The following CLSTN2 variants were observed in gnomAD, a reference collection of about 807,000 sequenced individuals.
CLSTN2 encodes the protein calsyntenin-2.
CLSTN2 carries 48 observed loss-of-function variants against 101.2 expected under a neutral mutation model. The observed-to-expected ratio is 0.47, with a 90% CI of 0.38 to 0.60. The LOEUF is 0.60. Among genes scored for constraint, CLSTN2 ranks in the 20% least tolerant of loss-of-function variants. The pLI is 0.00. For missense variants in CLSTN2, 1,160 were observed against 1,238.2 expected (o/e 0.94, Z 0.95); for synonymous variants, 481 against 463.6 (o/e 1.04, Z -0.48).
At chr3:140,227,258 G>T (rs1242571460) in intron 2 of CLSTN2, among the ~76,000 whole-genome samples, 1 of 152,144 alleles carries the variant, frequency 6.6e-6, no homozygotes, top group African/African-American at 2.4e-5. Flanking sequence ...AATCCAAATG[G>T]GAGAAATTGG....
intron 8 of CLSTN2, among the ~76,000 whole-genome samples, chr3:140,496,126 C>T (rs2107759824): frequency 6.6e-6 from 1 of 152,232 alleles, no homozygotes; most frequent in South Asian, 2.1e-4. Context: ...TGCTTGTGTC[C>T]TCTCTGACTT....
intron 1 of CLSTN2, among the ~76,000 whole-genome samples, chr3:139,966,665 A>T (rs1301565363): frequency 6.6e-6 from 1 of 152,182 alleles, no homozygotes; most frequent in Admixed American, 6.5e-5. Context: ...CTGCATTCTC[A>T]TGACTTATTT....
At position 140,569,370 on chromosome 3, in the gene CLSTN2, G is replaced by GCTTGT. The variant is rs1250540210; in HGVS notation, c.*3122_*3126dup. On this transcript the variant is annotated 3_prime_UTR_variant, in exon 17 of 17. Coordinates refer to ENST00000458420, the MANE Select transcript of CLSTN2 (RefSeq NM_022131.3). ...TGGTTTGGCCACAGCCCAGTTCATTGCTTGTCTTGCCAAGTGGACAACCAG... is the reference window on the plus strand; with the variant it reads ...TGGTTTGGCCACAGCCCAGTTCATTGCTTGTCTTGTCTTGCCAAGTGGACAACCAG... 6 of 152,282 alleles carry GCTTGT rather than the reference G, an allele frequency of 3.9e-5. No individual in the cohort carries two copies. The South Asian group carries it at 6.2e-4, about 16-fold the overall frequency. The allele number at this position is 152,282 out of a possible 1,614,324, so 9.4% of individuals were successfully genotyped here.
At chr3:140,100,739 T>C (rs1214858284) in intron 1 of CLSTN2, among the ~76,000 whole-genome samples, 1 of 152,240 alleles carries the variant, frequency 6.6e-6, no homozygotes, top group East Asian at 1.9e-4. Flanking sequence ...AGGTGGGCTG[T>C]GAGGCTCACG....
At chr3:140,409,705 C>A (rs1244649075) in intron 4 of CLSTN2, among the ~76,000 whole-genome samples, 1 of 152,050 alleles carries the variant, frequency 6.6e-6, no homozygotes, top group Non-Finnish European at 1.5e-5. Context: ...GTAACCAACT[C>A]CAAAGAATAG....
At chr3:140,286,880 A>G (rs1439670166) in intron 2 of CLSTN2, among the ~76,000 whole-genome samples, 1 of 152,162 alleles carries the variant, frequency 6.6e-6, no homozygotes, top group African/African-American at 2.4e-5. Context: ...GTAAGCGATG[A>G]TGTTTCAGGA....
intron 2 of CLSTN2, among the ~76,000 whole-genome samples, chr3:140,262,314 G>T (rs889301918): frequency 1.3e-5 from 2 of 152,192 alleles, no homozygotes; most frequent in African/African-American, 4.8e-5. Context: ...CCACCCATAG[G>T]ATGCCAGTCA....
At chr3:140,207,722 G>T (rs1559806745) in intron 2 of CLSTN2, among the ~76,000 whole-genome samples, 1 of 152,082 alleles carries the variant, frequency 6.6e-6, no homozygotes, top group African/African-American at 2.4e-5. Flanking sequence ...TAAATACCTA[G>T]GATTCGAATT....
At chr3:140,488,636 T>A (rs1366037) in intron 8 of CLSTN2, among the ~76,000 whole-genome samples, 22 of 125,214 alleles carry the variant, frequency 1.8e-4, no homozygotes, top group Non-Finnish European at 2.9e-4. Context: ...ATTTAATACG[T>A]GCTTTTTTTT....
At chr3:140,557,486 G>C (rs1935823129) in intron 11 of CLSTN2, among the ~76,000 whole-genome samples, 1 of 152,216 alleles carries the variant, frequency 6.6e-6, no homozygotes, top group African/African-American at 2.4e-5. Flanking sequence ...TGCCACATTA[G>C]AGTGAAGATG....
intron 2 of CLSTN2, among the ~76,000 whole-genome samples, chr3:140,375,948 G>C (rs2087912949): frequency 6.6e-6 from 1 of 152,092 alleles, no homozygotes; most frequent in Non-Finnish European, 1.5e-5. Flanking sequence ...ATACAATAAA[G>C]ACTTATTAGG....
At chr3:140,330,266 A>T (rs757550767) in intron 2 of CLSTN2, among the ~76,000 whole-genome samples, 8 of 152,154 alleles carry the variant, frequency 5.3e-5, no homozygotes, top group African/African-American at 2.4e-5. Context: ...TGCAGTGATG[A>T]TAGGTAAATC....
intron 1 of CLSTN2, among the ~76,000 whole-genome samples, chr3:139,992,668 T>C (rs72979901): frequency 0.045 from 6,926 of 152,282 alleles, 178 homozygotes; most frequent in African/African-American, 0.054. Flanking sequence ...ACAAAGTGCA[T>C]CCTGGTTACC....
rs538730115 is a variant in CLSTN2, at chr3:140,107,425, C to T, written c.110-68526C>T. On this transcript the variant is annotated intron_variant, in intron 1 of 16. Transcript: ENST00000458420. ...ATTGTTGCTCTTTGACACCCAAGAA[C>T]AACTCCAGAAAAGAGTCTTGCAGGG... is the stretch of plus-strand genomic sequence containing the variant. Among the ~76,000 whole-genome samples, 43 of 152,266 alleles carry T rather than the reference C, an allele frequency of 2.8e-4. No individual in the cohort carries two copies. In the South Asian group the frequency reaches 5.0e-3, roughly 18 times the overall value.
chr3:140,152,312 C>T (rs527352958), intron 1 of CLSTN2, among the ~76,000 whole-genome samples: 1 of 152,130 alleles, frequency 6.6e-6, no homozygotes, highest in East Asian at 1.9e-4. Flanking sequence ...TCTCTCCTTT[C>T]TCGTTTCCCA....
intron 2 of CLSTN2, among the ~76,000 whole-genome samples, chr3:140,403,158 A>T (rs2107978154): frequency 6.6e-6 from 1 of 152,340 alleles, no homozygotes; most frequent in Non-Finnish European, 1.5e-5. Flanking sequence ...GCTCTTTAAG[A>T]TGTTAGCTTT....
chr3:140,051,752 A>G (rs1477077328), intron 1 of CLSTN2, among the ~76,000 whole-genome samples: 5 of 152,296 alleles, frequency 3.3e-5, no homozygotes, highest in Middle Eastern at 3.4e-3. Context: ...ATTGGTCTGG[A>G]ATGTGGCTTG....
intron 2 of CLSTN2, among the ~76,000 whole-genome samples, chr3:140,244,568 C>G (rs149063350): frequency 5.3e-5 from 8 of 152,192 alleles, no homozygotes; most frequent in Admixed American, 3.9e-4. Flanking sequence ...TCTTTGTAAC[C>G]CTGGCCCTTA....
intron 1 of CLSTN2, among the ~76,000 whole-genome samples, chr3:140,061,514 C>T (rs2008204327): frequency 6.6e-6 from 1 of 152,220 alleles, no homozygotes; most frequent in African/African-American, 2.4e-5. Flanking sequence ...ACCAGCCCTG[C>T]TTCTTTCCAG....
Sources: allele counts gnomAD v4.1 joint callset (sites outside exome capture counted in the v4.1 genomes callset), GRCh38; gene constraint gnomAD v4.1.1; transcripts MANE v1.5; gene names NCBI Gene and HGNC (gene_info 2026-07-23, HGNC 2026-07-21).